Variants in ITPK1 observed in about 807,000 individuals in gnomAD.
ITPK1 encodes the protein inositol 1,3,4-trisphosphate 5/6-kinase.
ITPK1 carries 21 observed loss-of-function variants against 45.3 expected under a neutral mutation model. The observed-to-expected ratio is 0.46, with a 90% CI of 0.33 to 0.67. ITPK1 has a LOEUF of 0.67. ITPK1 is among the 30% of genes least tolerant of loss of function. The pLI, the probability that ITPK1 is intolerant of heterozygous loss-of-function variation, is 0.02. For missense variants in ITPK1, 474 were observed against 573.5 expected (o/e 0.83, Z 1.77); for synonymous variants, 258 against 253.6 (o/e 1.02, Z -0.16).
chr14:92,966,495 A>G (rs1223540418), intron 5 of ITPK1, among the ~76,000 whole-genome samples: 3 of 152,246 alleles, frequency 2.0e-5, no homozygotes, highest in African/African-American at 7.2e-5. Flanking sequence ...TAGGAGATTT[A>G]ATATTGTTAA....
intron 3 of ITPK1, among the ~76,000 whole-genome samples, chr14:93,049,927 A>G: frequency 6.6e-6 from 1 of 152,080 alleles, no homozygotes; most frequent in East Asian, 1.9e-4. Context: ...GAAGGGACAG[A>G]GGGAGTCAAG....
chr14:93,078,244 C>T (rs559195223), intron 2 of ITPK1, among the ~76,000 whole-genome samples: 30 of 152,288 alleles, frequency 2.0e-4, no homozygotes, highest in African/African-American at 6.5e-4. Flanking sequence ...CCTTTGGGCA[C>T]CCTTGCTCCC....
chr14:92,952,943 C>A (rs1400873927), intron 8 of ITPK1, among the ~76,000 whole-genome samples: 1 of 152,266 alleles, frequency 6.6e-6, no homozygotes, highest in Non-Finnish European at 1.5e-5. Context: ...CACGACTTCC[C>A]CCAAGGCTGG....
chr14:92,969,725 C>T (rs556784575), intron 5 of ITPK1, among the ~76,000 whole-genome samples: 2 of 152,258 alleles, frequency 1.3e-5, no homozygotes, highest in African/African-American at 2.4e-5. Context: ...GCGGGGAGCC[C>T]GGGAGGCTAT....
At chr14:93,045,067 C>T (rs1319331345) in intron 3 of ITPK1, among the ~76,000 whole-genome samples, 7 of 152,382 alleles carry the variant, frequency 4.6e-5, no homozygotes, top group African/African-American at 1.4e-4. Flanking sequence ...AGCCCAGTGC[C>T]ATGCTGCTTT....
chr14:93,043,097 C>T (rs545146434), intron 3 of ITPK1, among the ~76,000 whole-genome samples: 58 of 152,234 alleles, frequency 3.8e-4, no homozygotes, highest in African/African-American at 9.6e-4. Flanking sequence ...AGCTCCCCAC[C>T]GAGGCCCACA....
intron 3 of ITPK1, among the ~76,000 whole-genome samples, chr14:93,029,932 A>T (rs77057736): frequency 0.027 from 4,055 of 152,290 alleles, 98 homozygotes; most frequent in Admixed American, 0.085. Context: ...CGAGGGATGG[A>T]TTTCTATCTG....
At chr14:92,996,681 C>T (rs974454989) in intron 4 of ITPK1, among the ~76,000 whole-genome samples, 11 of 152,122 alleles carry the variant, frequency 7.2e-5, no homozygotes, top group Non-Finnish European at 1.6e-4. Context: ...AAGCCTTCTC[C>T]GCTTCACCCC....
intron 2 of ITPK1, among the ~76,000 whole-genome samples, chr14:93,080,195 C>T (rs1891382420): frequency 6.6e-6 from 1 of 152,158 alleles, no homozygotes. Flanking sequence ...ACATCCAGGA[C>T]AAGCATGTGT....
At chr14:93,051,027 CCAGTGCTCAGCA>C (rs1221744090) in intron 3 of ITPK1, among the ~76,000 whole-genome samples, 6 of 152,118 alleles carry the variant, frequency 3.9e-5, no homozygotes, top group Non-Finnish European at 5.9e-5. Context: ...AGCTATGTGC[CCAGTGCTCAGCA>C]CAGGGCCCGG....
intron 4 of ITPK1, among the ~76,000 whole-genome samples, chr14:93,003,467 A>G (rs1206265417): frequency 1.3e-5 from 2 of 152,234 alleles, no homozygotes; most frequent in Non-Finnish European, 2.9e-5. Context: ...TAGTCCTGGG[A>G]AATCCACACT....
chr14:92,969,641 C>G (rs1313688620), intron 5 of ITPK1, among the ~76,000 whole-genome samples: 1 of 152,198 alleles, frequency 6.6e-6, no homozygotes, highest in African/African-American at 2.4e-5. Context: ...CTCTCGATCA[C>G]GAGAAGCTCG....
intron 2 of ITPK1, among the ~76,000 whole-genome samples, chr14:93,095,783 T>G (rs144140416): frequency 1.9e-3 from 285 of 151,898 alleles, no homozygotes; most frequent in African/African-American, 6.8e-3. Flanking sequence ...GTGTTGACTC[T>G]TCCCATCTTT....
At chr14:93,090,453 C>A (rs1884515) in intron 2 of ITPK1, among the ~76,000 whole-genome samples, 4,220 of 152,232 alleles carry the variant, frequency 0.028, 95 homozygotes, top group Admixed American at 0.082. Flanking sequence ...CTGAATGCCT[C>A]CCGTGTGAAG....
intron 3 of ITPK1, among the ~76,000 whole-genome samples, chr14:93,038,951 C>CT (rs1566750132): frequency 6.6e-6 from 1 of 152,256 alleles, no homozygotes; most frequent in Non-Finnish European, 1.5e-5. Flanking sequence ...ATAAGATACT[C>CT]TAATACCGTT....
intron 3 of ITPK1, among the ~76,000 whole-genome samples, chr14:93,042,743 T>C (rs894426471): frequency 6.6e-6 from 1 of 152,116 alleles, no homozygotes; most frequent in Non-Finnish European, 1.5e-5. Context: ...CATGGCTGGC[T>C]GCGGTGGCTC....
Position 93,090,469 on chromosome 14 carries a change from T to G in ITPK1, c.96-13850A>C, listed in dbSNP as rs115638443. 3.5e-3 allele frequency among the ~76,000 whole-genome samples: 536 copies of G among 152,242 alleles called. 6 individuals carry two copies. Among genetic ancestry groups the G allele is most frequent in the African/African-American group, 0.012 (508 of 41,522 alleles). The stretch of plus-strand genomic sequence containing the variant: ...TGAATGCCTCCCGTGTGAAGGACAA[T>G]CCACAGAGTCCACTTCGTGCCAACC... On this transcript the variant is annotated intron_variant, in intron 2 of 10. Coordinates refer to ENST00000267615, the MANE Select transcript of ITPK1 (RefSeq NM_014216.6).
chr14:93,088,531 T>C (rs567527699), intron 2 of ITPK1, among the ~76,000 whole-genome samples: 4 of 151,942 alleles, frequency 2.6e-5, no homozygotes, highest in Non-Finnish European at 5.9e-5. Context: ...AATTTTTGTG[T>C]TTTTAGGAGA....
At position 92,943,153 on chromosome 14, in the gene ITPK1, G is replaced by A. The variant is rs79750050; in HGVS notation, c.902-1249C>T. Among the ~76,000 whole-genome samples, 545 of 152,366 alleles carry A rather than the reference G, an allele frequency of 3.6e-3. 3 individuals are homozygous for A. Among genetic ancestry groups the A allele is most frequent in the African/African-American group, 0.012 (502 of 41,594 alleles). ...CCTCCCGAGCTGGCACTGTGCGAGC[G>A]TCCCGCAACATCCTCTCGCCTAATC... On this transcript the variant is annotated intron_variant, in intron 10 of 10. Transcript: ENST00000267615.
Sources: gnomAD v4.1 joint callset for allele counts (sites outside exome capture counted in the v4.1 genomes callset) on GRCh38, gnomAD v4.1.1 for gene constraint, MANE v1.5 for transcripts, NCBI Gene and HGNC (gene_info 2026-07-23, HGNC 2026-07-21) for gene names.